The following ZNF81 variants were observed in gnomAD, a reference collection of about 807,000 sequenced individuals.
ZNF81 encodes the protein zinc finger protein 81, also known as zinc finger protein 81 (HFZ20).
In ZNF81, 5 loss-of-function variants were observed where a neutral mutation model predicts 32.3. That is an observed-to-expected ratio of 0.15 (90% CI 0.08 to 0.33). The LOEUF is 0.33. Among genes scored for constraint, ZNF81 ranks in the 10% least tolerant of loss-of-function variants. The probability of loss-of-function intolerance (pLI) is 1.00; values close to 1 mark genes in which losing one functional copy is unlikely to be tolerated. For missense variants in ZNF81, 379 were observed against 479.8 expected, an observed-to-expected ratio of 0.79 and a Z score of 1.96; for synonymous variants, 163 against 166.8, an observed-to-expected ratio of 0.98 and a Z score of 0.17.
chrX:47,884,949 G>A (rs1471948930), intron 2 of ZNF81, among the ~76,000 whole-genome samples: 2 of 111,974 alleles, frequency 1.8e-5, no homozygotes, highest in African/African-American at 6.5e-5. Flanking sequence ...TCATGAAAAA[G>A]GAAGGATACC....
At chrX:47,867,503 C>T in intron 2 of ZNF81, among the ~76,000 whole-genome samples, 1 of 111,905 alleles carries the variant, frequency 8.9e-6, no homozygotes, top group Non-Finnish European at 1.9e-5. Flanking sequence ...TTCTCTGTCA[C>T]TCACCATTTC....
intron 2 of ZNF81, among the ~76,000 whole-genome samples, chrX:47,849,095 G>A (rs1289683126): frequency 5.4e-5 from 6 of 112,067 alleles, no homozygotes; most frequent in Non-Finnish European, 1.1e-4. Context: ...TGAATTATAA[G>A]CAATGCTGCT....
intron 4 of ZNF81, among the ~76,000 whole-genome samples, chrX:47,909,607 CT>C (rs782230334): frequency 0.011 from 1,162 of 103,758 alleles, 18 homozygotes; most frequent in African/African-American, 0.039. Flanking sequence ...TTTTCTTTTT[CT>C]TTTTTTTTAA....
At chrX:47,857,193 A>T (rs568428705) in intron 2 of ZNF81, among the ~76,000 whole-genome samples, 210 of 112,018 alleles carry the variant, frequency 1.9e-3, no homozygotes, top group Middle Eastern at 0.014. Context: ...TGTAAAATTT[A>T]AACTAGGTGA....
At chrX:47,844,938 A>C (rs1415105999) in intron 1 of ZNF81, among the ~76,000 whole-genome samples, 4 of 112,285 alleles carry the variant, frequency 3.6e-5, no homozygotes, top group Non-Finnish European at 7.5e-5. Context: ...TTTCCTAATG[A>C]CTGATGTTGT....
chrX:47,883,564 TA>T (rs1295189878), intron 2 of ZNF81, among the ~76,000 whole-genome samples: 2 of 112,136 alleles, frequency 1.8e-5, no homozygotes, highest in Non-Finnish European at 3.8e-5. Flanking sequence ...TAGCTCAAGT[TA>T]ATTTTTTGTT....
At chrX:47,884,748 G>T (rs1252032761) in intron 2 of ZNF81, among the ~76,000 whole-genome samples, 1 of 111,721 alleles carries the variant, frequency 9.0e-6, no homozygotes, top group South Asian at 3.7e-4. Context: ...AGATCTATGG[G>T]TGTACAGCTT....
chrX:47,897,422 A>G (rs1556887383), intron 4 of ZNF81, among the ~76,000 whole-genome samples: 1 of 111,885 alleles, frequency 8.9e-6, no homozygotes, highest in Non-Finnish European at 1.9e-5. Flanking sequence ...TTGTCTTCTT[A>G]TTAGTGAGTT....
At chrX:47,886,066 C>T (rs1304731245) in intron 2 of ZNF81, among the ~76,000 whole-genome samples, 5 of 112,052 alleles carry the variant, frequency 4.5e-5, no homozygotes, top group Non-Finnish European at 7.5e-5. Context: ...TTGGCCTATC[C>T]TATTTAATCA....
intron 2 of ZNF81, among the ~76,000 whole-genome samples, chrX:47,850,823 ATTC>A (rs1229674774): frequency 9.1e-6 from 1 of 109,624 alleles, no homozygotes; most frequent in East Asian, 2.9e-4. Flanking sequence ...TGGCCTATAT[ATTC>A]TTTCCCAAGG....
chrX:47,858,235 C>G (rs5906497), intron 2 of ZNF81, among the ~76,000 whole-genome samples: 46,068 of 110,794 alleles, frequency 0.42, 7,351 homozygotes, highest in East Asian at 0.63. Flanking sequence ...CACAAAATTT[C>G]AACATCCATT....
Position 47,859,174 on chromosome X carries a change from A to G in ZNF81, c.54+12853A>G, listed in dbSNP as rs1167476677. 6.3e-5 allele frequency among the ~76,000 whole-genome samples: 7 copies of G among 111,505 alleles called. No individual in the cohort carries two copies. In the Admixed American group the frequency reaches 6.7e-4, roughly 11 times the overall value. On this transcript the variant is annotated intron_variant, in intron 2 of 4. Transcript: ENST00000338637. ...TTCTTTAAGTGGTTACCTTTATAAC[A>G]TTAATTTTATAAATTATAATTAATA... is the stretch of plus-strand genomic sequence containing the variant.
chrX:47,915,937 A>G lies in ZNF81; in HGVS notation c.1291A>G (p.Met431Val). Reference sequence around the variant, plus strand: ...CTTTACCCAAAAATCAACACTCAGGATGCATCAGAGAATTCATACAGGAGA... The same window carrying G: ...CTTTACCCAAAAATCAACACTCAGGGTGCATCAGAGAATTCATACAGGAGA... The part of the protein sequence containing the change: ...KAFTQKSTLR[M>V]HQRIHTGERS... Residue 431 changes from methionine (M) to valine (V), a missense_variant, in exon 5 of 5, where the codon ATG becomes GTG. Physicochemically the swap from Met to Val is conservative, Grantham distance 21. This residue lies in a region of ZNF81 where 277 missense variants were observed against 306.6 expected (regional missense o/e 0.90). Transcript: ENST00000338637. 1.7e-6 allele frequency: 2 copies of G among 1,211,256 alleles called. No individual in the cohort carries two copies. The highest frequency in any genetic ancestry group is 2.2e-6 in the Non-Finnish European group (2 of 895,317).
At chrX:47,907,849 A>G (rs782461858) in intron 4 of ZNF81, among the ~76,000 whole-genome samples, 4 of 112,121 alleles carry the variant, frequency 3.6e-5, no homozygotes, top group African/African-American at 9.7e-5. Flanking sequence ...ACAAGAAAAA[A>G]AGGTCAAAAT....
Position 47,917,317 on chromosome X carries a change from A to G in ZNF81, c.*685A>G. ...ACACAAATATAATCCTGTCATTCGT[A>G]CTGGTTTCCATGACATAGTATCTTG... On this transcript the variant is annotated 3_prime_UTR_variant, in exon 5 of 5. Transcript: ENST00000338637. 3.4e-6 allele frequency: 1 copy of G among 297,117 alleles called. No individual in the cohort carries two copies. Among genetic ancestry groups the G allele is most frequent in the East Asian group, 4.8e-5 (1 of 21,044 alleles). 24.5% of individuals were successfully genotyped at this position (297,117 alleles called of 1,213,427 possible). A position where few individuals can be genotyped will look rare whatever the true frequency, so the allele number is the denominator to read the frequency against.
At chrX:47,876,476 C>T (rs1449548775) in intron 2 of ZNF81, among the ~76,000 whole-genome samples, 2 of 111,952 alleles carry the variant, frequency 1.8e-5, no homozygotes, top group Non-Finnish European at 3.8e-5. Context: ...ACTGAACAGC[C>T]GCCTGTAAGC....
At chrX:47,890,831 C>T (rs1402162737) in intron 3 of ZNF81, among the ~76,000 whole-genome samples, 2 of 112,203 alleles carry the variant, frequency 1.8e-5, no homozygotes, top group Non-Finnish European at 3.8e-5. Flanking sequence ...ACAATTTTTG[C>T]TTCACCTTAG....
chrX:47,909,001 A>G (rs1435745291), intron 4 of ZNF81, among the ~76,000 whole-genome samples: 1 of 112,215 alleles, frequency 8.9e-6, no homozygotes, highest in Non-Finnish European at 1.9e-5. Context: ...GGGTGTATAC[A>G]TATGAGTATT....
At chrX:47,872,057 A>G (rs2058582679) in intron 2 of ZNF81, among the ~76,000 whole-genome samples, 1 of 112,264 alleles carries the variant, frequency 8.9e-6, no homozygotes, top group Admixed American at 9.4e-5. Context: ...AAATCAGAAC[A>G]TTTGGAGAAT....
Sources: allele counts gnomAD v4.1 joint callset (sites outside exome capture counted in the v4.1 genomes callset), GRCh38; gene constraint gnomAD v4.1.1; regional missense constraint gnomAD v4.1.1; transcripts MANE v1.5; gene names NCBI Gene and HGNC (gene_info 2026-07-23, HGNC 2026-07-21).